CPED1: variants seen among roughly 807,000 people sequenced by gnomAD.
CPED1 encodes cadherin-like and PC-esterase domain-containing protein 1.
In CPED1, 114 loss-of-function variants were observed where a neutral mutation model predicts 128.2. The observed-to-expected ratio is 0.89, with a 90% confidence interval of 0.76 to 1.04. CPED1 has a LOEUF of 1.04. Ranked by LOEUF, CPED1 falls within the 50% of genes least tolerant of loss-of-function variation. The pLI, the probability that CPED1 is intolerant of heterozygous loss-of-function variation, is 0.00. For missense variants in CPED1, 1,211 were observed against 1,207.1 expected (o/e 1.00, Z -0.05); for synonymous variants, 462 against 426.7 (o/e 1.08, Z -1.02).
At chr7:121,017,079 T>C (rs1247401120) in intron 3 of CPED1, among the ~76,000 whole-genome samples, 2 of 152,204 alleles carry the variant, frequency 1.3e-5, no homozygotes, top group Non-Finnish European at 2.9e-5. Context: ...GCAGTGAAAC[T>C]GTGAGCTACT....
At chr7:121,261,825 C>T in intron 18 of CPED1, 1 of 1,108,812 alleles carries the variant, frequency 9.0e-7, no homozygotes, top group Non-Finnish European at 1.3e-6. Context: ...CTATCTGTTA[C>T]AGTGCTTAGC....
At chr7:120,993,551 T>C (rs1796343847) in intron 2 of CPED1, among the ~76,000 whole-genome samples, 4 of 152,204 alleles carry the variant, frequency 2.6e-5, no homozygotes, top group Admixed American at 1.3e-4. Flanking sequence ...ATGATCTAAT[T>C]AATCTTGTTT....
At chr7:121,068,475 T>C (rs542129167) in intron 5 of CPED1, among the ~76,000 whole-genome samples, 8,072 of 151,962 alleles carry the variant, frequency 0.053, 228 homozygotes, top group Middle Eastern at 0.12. Context: ...TTGGTCTATA[T>C]CTCTGTTTTG....
intron 22 of CPED1, among the ~76,000 whole-genome samples, chr7:121,284,965 CT>C (rs1170630607): frequency 1.3e-5 from 2 of 152,226 alleles, no homozygotes; most frequent in Non-Finnish European, 2.9e-5. Flanking sequence ...CCACATTTCC[CT>C]TCTGCACTGT....
chr7:121,263,177 AC>A (rs1031565804), intron 18 of CPED1, among the ~76,000 whole-genome samples: 23 of 152,060 alleles, frequency 1.5e-4, no homozygotes, highest in Admixed American at 1.2e-3. Flanking sequence ...CAATGGGGCC[AC>A]CTGGGACCCA....
intron 16 of CPED1, among the ~76,000 whole-genome samples, chr7:121,220,756 T>C (rs1165464810): frequency 6.6e-6 from 1 of 152,060 alleles, no homozygotes; most frequent in Non-Finnish European, 1.5e-5. Context: ...CATTTTGCCT[T>C]TCCATCTCTG....
At chr7:121,180,609 T>C (rs889887865) in intron 16 of CPED1, among the ~76,000 whole-genome samples, 2 of 152,078 alleles carry the variant, frequency 1.3e-5, no homozygotes, top group African/African-American at 4.8e-5. Flanking sequence ...CTTTCTGTTC[T>C]TCTTTCATAT....
intron 20 of CPED1, 86 bp from the exon 21 acceptor site, chr7:121,267,129 T>C (rs1792142333): frequency 1.3e-6 from 1 of 746,388 alleles, no homozygotes; most frequent in Non-Finnish European, 2.3e-6. Flanking sequence ...TCTGAAAGAA[T>C]TCTATGGTAT....
At chr7:121,200,882 C>T (rs1340339526) in intron 16 of CPED1, among the ~76,000 whole-genome samples, 1 of 152,106 alleles carries the variant, frequency 6.6e-6, no homozygotes, top group African/African-American at 2.4e-5. Context: ...ATTGTAGCAG[C>T]AAAGGGTCTC....
intron 16 of CPED1, among the ~76,000 whole-genome samples, chr7:121,187,931 G>A (rs1797040643): frequency 6.6e-6 from 1 of 152,080 alleles, no homozygotes; most frequent in Non-Finnish European, 1.5e-5. Context: ...GAAGTTCACA[G>A]GACTTCCTAA....
chr7:121,151,273 G>T (rs746095335), intron 16 of CPED1, among the ~76,000 whole-genome samples: 1 of 152,110 alleles, frequency 6.6e-6, no homozygotes, highest in East Asian at 1.9e-4. Flanking sequence ...AATGTCAGAG[G>T]TATGAAAAGT....
At chr7:121,103,310 T>C (rs778229938) in intron 7 of CPED1, among the ~76,000 whole-genome samples, 2 of 152,190 alleles carry the variant, frequency 1.3e-5, no homozygotes, top group Non-Finnish European at 2.9e-5. Context: ...ACAATACTGT[T>C]ATCTCCTCAG....
chr7:121,277,458 C>T (rs981462713), intron 22 of CPED1, among the ~76,000 whole-genome samples: 1 of 152,116 alleles, frequency 6.6e-6, no homozygotes, highest in African/African-American at 2.4e-5. Context: ...AGAGCCCAGA[C>T]TCATTGACAT....
intron 5 of CPED1, among the ~76,000 whole-genome samples, chr7:121,066,999 C>T (rs140303033): frequency 9.7e-4 from 147 of 152,004 alleles, no homozygotes; most frequent in Middle Eastern, 6.8e-3. Flanking sequence ...TATGCAAATA[C>T]GACATCATTT....
At position 121,098,739 on chromosome 7, in the gene CPED1, TATATAAAAATATATAAAA is replaced by T. The variant is rs1452502582; in HGVS notation, c.749+914_749+931del. On this transcript the variant is annotated intron_variant, in intron 6 of 22. Coordinates refer to ENST00000310396, the MANE Select transcript of CPED1 (RefSeq NM_024913.5). ...AGCAAGACCTTGTCTCAAATATATA[TATATAAAAATATATAAAA>T]ATATATATAAATATATATATATAAA... Among the ~76,000 whole-genome samples the T allele has an allele frequency of 4.4e-3, 77 of 17,314 alleles. 2 individuals carry two copies. Among genetic ancestry groups the T allele is most frequent in the Admixed American group, 0.019 (17 of 902 alleles). The allele number at this position is 17,314 out of a possible 152,430, so 11.4% of individuals were successfully genotyped here. A position where few individuals can be genotyped will look rare whatever the true frequency, so the allele number is the denominator to read the frequency against.
At chr7:121,149,096 T>C (rs1330543114) in intron 16 of CPED1, among the ~76,000 whole-genome samples, 1 of 152,176 alleles carries the variant, frequency 6.6e-6, no homozygotes, top group Admixed American at 6.5e-5. Context: ...ATGCATAACC[T>C]TTGCAGGTAT....
rs374529348 is a variant in CPED1 at position 121,083,082 on chromosome 7, T to A, written c.617-14617T>A. Among the ~76,000 whole-genome samples, 23 of 151,944 alleles carry A rather than the reference T, an allele frequency of 1.5e-4. No homozygotes were observed. The East Asian group carries it at 1.6e-3, about 10-fold the overall frequency. Reference sequence around the variant, plus strand: ...ATGGGAATGAACAGCCCTGGGAGAGTCAGAAGCTCCAGTCCTCAGCTCTCA... The same window carrying A: ...ATGGGAATGAACAGCCCTGGGAGAGACAGAAGCTCCAGTCCTCAGCTCTCA... On this transcript the variant is annotated intron_variant, in intron 5 of 22. Coordinates refer to ENST00000310396, the MANE Select transcript of CPED1 (RefSeq NM_024913.5).
rs1792804308 is a variant in CPED1, at chr7:121,295,512, A to C, written c.2941A>C (p.Arg981=). ...AAGATCAAGAAATCATATCATGGGA[A>C]GATATTTCAGCAATCAAAGCAAACT... ...MKRSRNHIMG[R]YFSNQSKLQQ... The change falls in exon 23 of 23, where the codon AGA becomes CGA. Residue 981 remains arginine, a synonymous_variant. Coordinates refer to ENST00000310396, the MANE Select transcript of CPED1 (RefSeq NM_024913.5). 6.2e-7 allele frequency: 1 copy of C among 1,613,956 alleles called. No homozygotes were observed. The highest frequency in any genetic ancestry group is 1.3e-5 in the African/African-American group (1 of 74,934).
At chr7:121,013,580 C>T (rs1792217863) in intron 2 of CPED1, among the ~76,000 whole-genome samples, 1 of 152,154 alleles carries the variant, frequency 6.6e-6, no homozygotes, top group African/African-American at 2.4e-5. Flanking sequence ...CAGGCATGGT[C>T]CTGAGCACTT....
Sources: allele counts gnomAD v4.1 joint callset (sites outside exome capture counted in the v4.1 genomes callset), GRCh38; gene constraint gnomAD v4.1.1; transcripts MANE v1.5; gene names NCBI Gene and HGNC (gene_info 2026-07-23, HGNC 2026-07-21).